Variants in STIM1 observed in about 807,000 individuals in gnomAD.
STIM1 encodes the protein stromal interaction molecule 1.
In STIM1, 25 loss-of-function variants were observed where a neutral mutation model predicts 74.7. The ratio of observed to expected loss-of-function variants is 0.33; its 90% CI spans 0.24 to 0.47. The LOEUF (loss-of-function observed/expected upper bound fraction) is 0.47, where lower values mean the gene tolerates loss of function less well. Ranked by LOEUF, STIM1 falls within the 20% of genes least tolerant of loss-of-function variation. The probability of loss-of-function intolerance (pLI) is 1.00; values close to 1 mark genes in which losing one functional copy is unlikely to be tolerated. For missense variants in STIM1, 728 were observed against 920.8 expected, an observed-to-expected ratio of 0.79 and a Z score of 2.71; for synonymous variants, 328 against 348.8, an observed-to-expected ratio of 0.94 and a Z score of 0.66.
chr11:3,961,769 A>G (rs2093288197), intron 1 of STIM1, among the ~76,000 whole-genome samples: 1 of 152,112 alleles, frequency 6.6e-6, no homozygotes, highest in Admixed American at 6.6e-5. Flanking sequence ...CGGCCTCCTA[A>G]GATGCTGGGA....
At chr11:3,930,110 T>G (rs942215333) in intron 1 of STIM1, among the ~76,000 whole-genome samples, 2 of 152,154 alleles carry the variant, frequency 1.3e-5, no homozygotes, top group African/African-American at 4.8e-5. Flanking sequence ...GTGGAAATGC[T>G]TAGCATTTAG....
chr11:4,055,477 G>A, intron 3 of STIM1, 49 bp from the exon 4 acceptor site: 1 of 1,386,338 alleles, frequency 7.2e-7, no homozygotes, highest in East Asian at 2.4e-5. Context: ...ACAAATGAAA[G>A]CAGTGCTTGG....
At chr11:4,012,287 A>G (rs551433369) in intron 2 of STIM1, among the ~76,000 whole-genome samples, 44 of 152,300 alleles carry the variant, frequency 2.9e-4, no homozygotes, top group Admixed American at 1.1e-3. Flanking sequence ...TGATGGGGAT[A>G]GCATTGAATC....
chr11:3,889,778 T>C (rs1402609145), intron 1 of STIM1, among the ~76,000 whole-genome samples: 2 of 152,138 alleles, frequency 1.3e-5, no homozygotes, highest in Non-Finnish European at 2.9e-5. Flanking sequence ...TGAGTGGGGC[T>C]AGTCTGAGTC....
chr11:3,873,345 G>A lies in STIM1; in HGVS notation c.139+16936G>A, dbSNP rs922811263. 4.0e-5 allele frequency among the ~76,000 whole-genome samples: 6 copies of A among 151,044 alleles called. No individual in the cohort carries two copies. In the South Asian group the frequency reaches 1.3e-3, roughly 32 times the overall value. On this transcript the variant is annotated intron_variant, in intron 1 of 12. Coordinates refer to ENST00000526596, the MANE Select transcript of STIM1 (RefSeq NM_001382567.1). ...AGGCAGGAGAATCGCTTGAACCCGG[G>A]AGGCGTAGGTTGCAGTGAGCCGAGA...
At chr11:4,006,983 C>T (rs1304104118) in intron 2 of STIM1, among the ~76,000 whole-genome samples, 1 of 152,156 alleles carries the variant, frequency 6.6e-6, no homozygotes, top group Non-Finnish European at 1.5e-5. Flanking sequence ...GAATTCTCTT[C>T]TCTGGTGGAT....
intron 2 of STIM1, among the ~76,000 whole-genome samples, chr11:4,018,430 G>C (rs1412345290): frequency 8.7e-6 from 1 of 115,410 alleles, no homozygotes; most frequent in Non-Finnish European, 1.7e-5. Flanking sequence ...CCGCAGTCCG[G>C]CCTGGGCGAC....
chr11:3,967,685 G>A lies in STIM1; in HGVS notation c.270+3G>A. ...TGGATGTGGAAGAAAGTGATGAGGT[G>A]AGCTCTCCCATCCTGCTATGTCTCT... On this transcript the variant is annotated splice_donor_region_variant and intron_variant, in intron 2 of 12. Transcript: ENST00000526596. 6.2e-7 allele frequency: 1 copy of A among 1,614,164 alleles called. No individual in the cohort carries two copies. Among genetic ancestry groups the A allele is most frequent in the Non-Finnish European group, 8.5e-7 (1 of 1,180,002 alleles).
intron 1 of STIM1, among the ~76,000 whole-genome samples, chr11:3,917,490 A>G (rs1226781795): frequency 1.4e-5 from 2 of 147,416 alleles, no homozygotes; most frequent in Non-Finnish European, 3.0e-5. Context: ...GCTGGAGTGC[A>G]GTGACACGAT....
chr11:4,054,754 A>T (rs1023304754), intron 3 of STIM1, among the ~76,000 whole-genome samples: 2 of 152,070 alleles, frequency 1.3e-5, no homozygotes, highest in African/African-American at 4.8e-5. Flanking sequence ...CAAATTTCAC[A>T]TCTTTTCTTT....
At chr11:4,034,639 T>C (rs1396931536) in intron 3 of STIM1, among the ~76,000 whole-genome samples, 3 of 152,220 alleles carry the variant, frequency 2.0e-5, no homozygotes, top group Admixed American at 6.5e-5. Context: ...TCTCATAGGA[T>C]GAATTATGAA....
chr11:4,042,337 A>G (rs2094154584), intron 3 of STIM1, among the ~76,000 whole-genome samples: 1 of 152,180 alleles, frequency 6.6e-6, no homozygotes, highest in Non-Finnish European at 1.5e-5. Context: ...GACCTAATAC[A>G]ATATAGGACT....
intron 2 of STIM1, among the ~76,000 whole-genome samples, chr11:3,986,065 G>A (rs2093555569): frequency 6.6e-6 from 1 of 152,024 alleles, no homozygotes; most frequent in Non-Finnish European, 1.5e-5. Flanking sequence ...TTTAGTGTGT[G>A]CTATGTGCTG....
At chr11:3,960,929 T>C (rs946210979) in intron 1 of STIM1, among the ~76,000 whole-genome samples, 15 of 152,168 alleles carry the variant, frequency 9.9e-5, no homozygotes, top group African/African-American at 3.1e-4. Flanking sequence ...GTAAGAGATT[T>C]GTTATTGTTC....
intron 1 of STIM1, chr11:3,947,603 A>C (rs1460273847): frequency 1.3e-5 from 2 of 152,226 alleles, no homozygotes; most frequent in East Asian, 3.8e-4. Context: ...TATTGGACAA[A>C]ATAAGAGGAA....
intron 1 of STIM1, chr11:3,947,273 T>A (rs1484871014): frequency 1.3e-5 from 2 of 152,194 alleles, no homozygotes; most frequent in Admixed American, 6.6e-5. Context: ...TTGCACTTAG[T>A]GACAGGCCTG....
intron 1 of STIM1, among the ~76,000 whole-genome samples, chr11:3,942,009 A>C (rs1363532401): frequency 6.6e-6 from 1 of 152,170 alleles, no homozygotes; most frequent in Non-Finnish European, 1.5e-5. Flanking sequence ...AGTATATAAA[A>C]TGATCAAAAA....
chr11:3,972,971 C>T (rs2093411069), intron 2 of STIM1: 7 of 512,752 alleles, frequency 1.4e-5, no homozygotes. Flanking sequence ...TAGCTTCCAC[C>T]ACCTCCAAAA....
chr11:3,894,910 T>TTC (rs1482055905), intron 1 of STIM1, among the ~76,000 whole-genome samples: 2 of 148,438 alleles, frequency 1.3e-5, no homozygotes, highest in Non-Finnish European at 3.0e-5. Context: ...GGCTAATTTT[T>TTC]TTTTTTTTTT....
Sources: allele counts gnomAD v4.1 joint callset (sites outside exome capture counted in the v4.1 genomes callset), GRCh38; gene constraint gnomAD v4.1.1; transcripts MANE v1.5; gene names NCBI Gene and HGNC (gene_info 2026-07-23, HGNC 2026-07-21).